Variants in EWSR1 observed in about 807,000 individuals in gnomAD.
EWSR1 encodes the protein RNA-binding protein EWS.
EWSR1 carries 14 observed loss-of-function variants against 92.1 expected under a neutral mutation model. The ratio of observed to expected loss-of-function variants is 0.15; its 90% CI spans 0.10 to 0.24. EWSR1 has a LOEUF of 0.24. EWSR1 is among the 10% of genes least tolerant of loss of function. The pLI is 1.00. For missense variants in EWSR1, 637 were observed against 870.9 expected (o/e 0.73, Z 3.38); for synonymous variants, 303 against 292.9 (o/e 1.03, Z -0.35).
chr22:29,271,661 A>T (rs1227103580), intron 1 of EWSR1, among the ~76,000 whole-genome samples: 1 of 152,210 alleles, frequency 6.6e-6, no homozygotes, highest in Non-Finnish European at 1.5e-5. Context: ...CCTTTAAAAC[A>T]CTGGAGTGTG....
intron 3 of EWSR1, among the ~76,000 whole-genome samples, chr22:29,273,211 T>C (rs2058824303): frequency 6.6e-6 from 1 of 152,254 alleles, no homozygotes; most frequent in African/African-American, 2.4e-5. Flanking sequence ...GCGTTCTGGT[T>C]CATTTTCTTT....
intron 11 of EWSR1, among the ~76,000 whole-genome samples, chr22:29,293,713 C>T (rs1286445866): frequency 4.6e-5 from 7 of 151,362 alleles, no homozygotes; most frequent in South Asian, 2.1e-4. Flanking sequence ...TACAGGTGCC[C>T]GCCACCACAC....
intron 5 of EWSR1, 152 bp downstream of exon 5, chr22:29,278,368 C>T: frequency 1.3e-6 from 1 of 769,264 alleles, no homozygotes; most frequent in South Asian, 1.9e-5. Context: ...TGTGCTAGAA[C>T]ATACCACAGA....
chr22:29,294,812 C>CT (rs1212410890), intron 11 of EWSR1, among the ~76,000 whole-genome samples: 1 of 150,914 alleles, frequency 6.6e-6, no homozygotes, highest in African/African-American at 2.4e-5. Flanking sequence ...ACTTGGGAGT[C>CT]TGAGGCAGGA....
intron 6 of EWSR1, among the ~76,000 whole-genome samples, chr22:29,284,109 C>T (rs941532636): frequency 6.6e-6 from 1 of 151,180 alleles, no homozygotes; most frequent in Admixed American, 6.6e-5. Context: ...GCTGGGAATA[C>T]AGGCATGAGC....
At chr22:29,274,041 T>G (rs371383983) in intron 4 of EWSR1, among the ~76,000 whole-genome samples, 177 bp downstream of exon 4, 1 of 152,218 alleles carries the variant, frequency 6.6e-6, no homozygotes, top group African/African-American at 2.4e-5. Context: ...TCTTGAGAGA[T>G]CTCCAATAGA....
In EWSR1 at chr22:29,278,225, A is replaced by G. The variant is rs755442940; in HGVS notation, c.413+9A>G. The G allele has an allele frequency of 1.4e-5, 22 of 1,612,612 alleles. No individual in the cohort carries two copies. In the South Asian group the frequency reaches 2.1e-4, roughly 15 times the overall value. On this transcript the variant is annotated intron_variant, in intron 5 of 16. Coordinates refer to ENST00000397938, the MANE Select transcript of EWSR1 (RefSeq NM_005243.4). ...GCCACTGCACCTACAAGGTAAGGCCATGGTGTCCTTAATGCGTCAGTCTTA... is the reference window on the plus strand; with the variant it reads ...GCCACTGCACCTACAAGGTAAGGCCGTGGTGTCCTTAATGCGTCAGTCTTA...
chr22:29,272,493 TA>T lies in EWSR1; in HGVS notation c.102+63del. ...AAGTAAAATCAGTATATTATCCAGT[TA>T]TCTTTCAGTTATCCAGTAAAACAAA... On this transcript the variant is annotated intron_variant, in intron 3 of 16. Coordinates refer to ENST00000397938, the MANE Select transcript of EWSR1 (RefSeq NM_005243.4). The T allele has an allele frequency of 2.7e-6, 4 of 1,480,502 alleles. No homozygotes were observed. In the South Asian group the frequency reaches 4.6e-5, roughly 17 times the overall value. The allele number at this position is 1,480,502 out of a possible 1,614,324, so 91.7% of individuals were successfully genotyped here.
intron 11 of EWSR1, among the ~76,000 whole-genome samples, chr22:29,294,100 G>A (rs1398067281): frequency 6.6e-6 from 1 of 151,820 alleles, no homozygotes; most frequent in East Asian, 2.0e-4. Flanking sequence ...CTGACCTCAC[G>A]TGATCCACCC....
chr22:29,286,464 G>A (rs564280427), intron 6 of EWSR1, among the ~76,000 whole-genome samples: 3 of 151,932 alleles, frequency 2.0e-5, no homozygotes, highest in South Asian at 2.1e-4. Context: ...CGAGGTGGGC[G>A]GATCATGAGG....
At chr22:29,280,862 GTTTTTTTTTTTTTTTTTTTT>G (rs71196650) in intron 5 of EWSR1, among the ~76,000 whole-genome samples, 3 of 62,870 alleles carry the variant, frequency 4.8e-5, no homozygotes, top group Non-Finnish European at 9.3e-5. Context: ...TGTGTGTGTT[GTTTTTTTTTTTTTTTTTTTT>G]TTTTTTTTTT....
At position 29,288,623 on chromosome 22, in the gene EWSR1, C is replaced by A; in HGVS notation, c.811C>A (p.His271Asn). ...YGQQSSFRQD[H>N]PSSMGVYGQE... Reference sequence around the variant, plus strand: ...TTCCTCAGGTTCATTCCGACAGGACCACCCCAGTAGCATGGGTGTTTATGG... The same window carrying A: ...TTCCTCAGGTTCATTCCGACAGGACAACCCCAGTAGCATGGGTGTTTATGG... Residue 271 changes from histidine (H) to asparagine (N), a missense_variant, in exon 8 of 17, where the codon CAC becomes AAC. By Grantham distance (68) the His-to-Asn change is moderately conservative (BLOSUM62 1). Transcript: ENST00000397938. 6.2e-7 allele frequency: 1 copy of A among 1,611,954 alleles called. No individual in the cohort carries two copies. Among genetic ancestry groups the A allele is most frequent in the Non-Finnish European group, 8.5e-7 (1 of 1,179,262 alleles).
At chr22:29,270,300 C>G (rs1240660013) in intron 1 of EWSR1, among the ~76,000 whole-genome samples, 2 of 152,196 alleles carry the variant, frequency 1.3e-5, no homozygotes, top group African/African-American at 4.8e-5. Context: ...GGAATGCAGA[C>G]TCGCAGCAAT....
At chr22:29,299,158 T>TGTTCACAC in intron 14 of EWSR1, 76 bp from the exon 15 acceptor site, 1 of 1,612,436 alleles carries the variant, frequency 6.2e-7, no homozygotes, top group Non-Finnish European at 8.5e-7. Flanking sequence ...AGTGTGTACC[T>TGTTCACAC]GTTCACACAC....
intron 6 of EWSR1, among the ~76,000 whole-genome samples, 193 bp downstream of exon 6, chr22:29,282,750 A>G (rs999247165): frequency 2.7e-5 from 4 of 149,654 alleles, no homozygotes; most frequent in African/African-American, 4.9e-5. Flanking sequence ...GCTAATAACT[A>G]TTCTTTTTTC....
chr22:29,282,997 C>G (rs1383014144), intron 6 of EWSR1, among the ~76,000 whole-genome samples: 1 of 152,108 alleles, frequency 6.6e-6, no homozygotes, highest in Non-Finnish European at 1.5e-5. Flanking sequence ...CTCCTGACCT[C>G]GTGATCCACC....
chr22:29,281,865 A>G (rs1253091395), intron 5 of EWSR1, among the ~76,000 whole-genome samples: 6 of 152,182 alleles, frequency 3.9e-5, no homozygotes, highest in Admixed American at 1.3e-4. Flanking sequence ...GATTATAGGC[A>G]TGAGCCATTC....
At chr22:29,276,382 TCAG>T (rs1481227050) in intron 4 of EWSR1, 12 of 225,504 alleles carry the variant, frequency 5.3e-5, no homozygotes, top group African/African-American at 2.7e-4. Flanking sequence ...ACATTTTAAC[TCAG>T]CAGTTTTGAC....
chr22:29,288,980 C>A, intron 8 of EWSR1, 194 bp downstream of exon 8: 1 of 558,982 alleles, frequency 1.8e-6, no homozygotes. Context: ...TTTTCTTTCC[C>A]TGCCAGTATA....
Sources: gnomAD v4.1 joint callset for allele counts (sites outside exome capture counted in the v4.1 genomes callset) on GRCh38, gnomAD v4.1.1 for gene constraint, MANE v1.5 for transcripts, NCBI Gene and HGNC (gene_info 2026-07-23, HGNC 2026-07-21) for gene names.